PRDM5: variants seen among roughly 807,000 people sequenced by gnomAD.
PRDM5 encodes PR domain zinc finger protein 5.
In PRDM5, 56 loss-of-function variants were observed where a neutral mutation model predicts 81.2. The ratio of observed to expected loss-of-function variants is 0.69; its 90% confidence interval spans 0.56 to 0.86. The LOEUF (loss-of-function observed/expected upper bound fraction) is 0.86, where lower values mean the gene tolerates loss of function less well. PRDM5 is among the 40% of genes least tolerant of loss of function. PRDM5 has a pLI of 0.00. For missense variants in PRDM5, 697 were observed against 770.1 expected, an observed-to-expected ratio of 0.91 and a Z score of 1.12; for synonymous variants, 267 against 256.4, an observed-to-expected ratio of 1.04 and a Z score of -0.39.
chr4:120,710,310 T>A lies in PRDM5; in HGVS notation c.1727A>T (p.Asp576Val), dbSNP rs1171671602. The A allele has an allele frequency of 2.5e-6, 4 of 1,613,350 alleles. No individual in the cohort carries two copies. In the African/African-American group the frequency reaches 5.3e-5, roughly 22 times the overall value. Residue 576 changes from aspartate to valine, a missense_variant and splice_region_variant, in exon 15 of 16, where the codon GAT (aspartate) becomes GTT (valine). Physicochemically the swap from Asp to Val is radical, Grantham distance 152. This residue lies in a region of PRDM5 where 86 missense variants were observed against 135.2 expected (regional missense o/e 0.64). Transcript: ENST00000264808. ...THTGEKPFQC[D>V]VCDLAFSLKK... ...TGGGGGAAAAAAATCCAAACTCACA[T>A]CACACTGAAAAGGCTTTTCTCCAGT...
intron 13 of PRDM5, among the ~76,000 whole-genome samples, chr4:120,774,888 CTATA>C (rs140501417): frequency 1.5e-5 from 2 of 129,384 alleles, no homozygotes; most frequent in African/African-American, 2.9e-5. Flanking sequence ...CTCTCTCTTT[CTATA>C]TATATATATA....
intron 13 of PRDM5, among the ~76,000 whole-genome samples, chr4:120,761,694 G>A (rs925620861): frequency 4.6e-5 from 7 of 151,878 alleles, no homozygotes; most frequent in Non-Finnish European, 8.8e-5. Context: ...AAATCCTTTC[G>A]AAAAAATCTA....
intron 13 of PRDM5, among the ~76,000 whole-genome samples, chr4:120,774,968 ATG>A (rs534630743): frequency 3.4e-5 from 5 of 149,188 alleles, no homozygotes; most frequent in South Asian, 2.1e-4. Context: ...ATATGTATAT[ATG>A]TGTGTGTATA....
At chr4:120,828,905 T>C (rs1459300366) in intron 3 of PRDM5, among the ~76,000 whole-genome samples, 2 of 152,078 alleles carry the variant, frequency 1.3e-5, no homozygotes, top group Non-Finnish European at 2.9e-5. Context: ...TCATCAGTAC[T>C]CTTATTTTAT....
chr4:120,856,068 G>C (rs1423592220), intron 2 of PRDM5, among the ~76,000 whole-genome samples: 1 of 152,148 alleles, frequency 6.6e-6, no homozygotes, highest in Non-Finnish European at 1.5e-5. Context: ...TGTTCTTTGT[G>C]TATTTCAGCT....
chr4:120,712,674 G>A (rs1165435384), intron 14 of PRDM5, among the ~76,000 whole-genome samples: 1 of 152,120 alleles, frequency 6.6e-6, no homozygotes, highest in Non-Finnish European at 1.5e-5. Context: ...CTATCATTCC[G>A]TATCCACTTT....
Position 120,785,105 on chromosome 4 carries a change from A to G in PRDM5, c.1189-14T>C, listed in dbSNP as rs375296023. ...CTCAGAGTGGGTCTGCAGAGGAAAA[A>G]CACTGAGTCAGGAGGATCTAGAATC... On this transcript the variant is annotated splice_polypyrimidine_tract_variant and intron_variant, in intron 10 of 15. Coordinates refer to ENST00000264808, the MANE Select transcript of PRDM5 (RefSeq NM_018699.4). The G allele has an allele frequency of 8.4e-5, 132 of 1,568,346 alleles. 2 individuals carry two copies. In the Admixed American group the frequency reaches 1.3e-3, roughly 15 times the overall value.
chr4:120,718,948 G>A (rs1738197090), intron 14 of PRDM5, among the ~76,000 whole-genome samples: 1 of 152,128 alleles, frequency 6.6e-6, no homozygotes, highest in African/African-American at 2.4e-5. Context: ...TTCCACTGTG[G>A]AATATGGAGC....
chr4:120,775,593 T>C (rs1204201349), intron 13 of PRDM5, among the ~76,000 whole-genome samples: 3 of 152,264 alleles, frequency 2.0e-5, no homozygotes, highest in South Asian at 2.1e-4. Context: ...AATTACATCA[T>C]GTCTTGGGGC....
At chr4:120,841,194 T>A (rs1474735831) in intron 3 of PRDM5, among the ~76,000 whole-genome samples, 1 of 152,184 alleles carries the variant, frequency 6.6e-6, no homozygotes, top group Admixed American at 6.5e-5. Context: ...CTCAAAATTA[T>A]CAGAGTGAAA....
chr4:120,734,839 A>G (rs951620301), intron 14 of PRDM5, among the ~76,000 whole-genome samples: 2 of 152,114 alleles, frequency 1.3e-5, no homozygotes, highest in African/African-American at 4.8e-5. Context: ...TGCTGAGGTA[A>G]GTGATCTTCC....
At chr4:120,876,060 A>T (rs895103364) in intron 2 of PRDM5, among the ~76,000 whole-genome samples, 1 of 152,224 alleles carries the variant, frequency 6.6e-6, no homozygotes, top group Non-Finnish European at 1.5e-5. Flanking sequence ...CGTCTCCCAG[A>T]AACACTAGGT....
At chr4:120,802,135 T>C (rs1039546439) in intron 8 of PRDM5, among the ~76,000 whole-genome samples, 1 of 152,232 alleles carries the variant, frequency 6.6e-6, no homozygotes, top group Non-Finnish European at 1.5e-5. Context: ...CAAGGTTGAA[T>C]TGAACTGATA....
chr4:120,914,419 C>T (rs1723867249), intron 1 of PRDM5, among the ~76,000 whole-genome samples: 1 of 152,130 alleles, frequency 6.6e-6, no homozygotes, highest in African/African-American at 2.4e-5. Flanking sequence ...CAGGAAACCT[C>T]ACATATAAAA....
chr4:120,862,931 G>A (rs1004775317), intron 2 of PRDM5, among the ~76,000 whole-genome samples: 2 of 151,718 alleles, frequency 1.3e-5, no homozygotes, highest in African/African-American at 2.4e-5. Flanking sequence ...GGCCAAGGAG[G>A]GTGACTCGCT....
chr4:120,717,266 T>TGGAGGCAATGTATTTGTCAGTTAA, intron 14 of PRDM5, among the ~76,000 whole-genome samples: 1 of 152,280 alleles, frequency 6.6e-6, no homozygotes, highest in Non-Finnish European at 1.5e-5. Flanking sequence ...CATTACTAAA[T>TGGAGGCAATGTATTTGTCAGTTAA]GGAGGCAATG....
intron 13 of PRDM5, among the ~76,000 whole-genome samples, chr4:120,763,307 T>C (rs540612130): frequency 1.3e-5 from 2 of 152,234 alleles, no homozygotes; most frequent in Non-Finnish European, 2.9e-5. Context: ...TAAAAAAGAA[T>C]ACGAGATGCA....
At chr4:120,727,303 ATG>A (rs34504620) in intron 14 of PRDM5, among the ~76,000 whole-genome samples, 16 of 150,772 alleles carry the variant, frequency 1.1e-4, no homozygotes, top group South Asian at 8.4e-4. Context: ...GTATGTATAT[ATG>A]TGTGTGTGTG....
intron 13 of PRDM5, among the ~76,000 whole-genome samples, chr4:120,773,955 A>G (rs2149216755): frequency 6.6e-6 from 1 of 152,342 alleles, no homozygotes; most frequent in South Asian, 2.1e-4. Context: ...GGTATTTTCT[A>G]TAAAAATATG....
Sources: allele counts gnomAD v4.1 joint callset (sites outside exome capture counted in the v4.1 genomes callset), GRCh38; gene constraint gnomAD v4.1.1; regional missense constraint gnomAD v4.1.1; transcripts MANE v1.5; gene names NCBI Gene and HGNC (gene_info 2026-07-23, HGNC 2026-07-21).